AGTPBP1: variants seen among roughly 807,000 people sequenced by gnomAD.
AGTPBP1 encodes cytosolic carboxypeptidase 1.
AGTPBP1 carries 70 observed loss-of-function variants against 143.9 expected under a neutral mutation model. The ratio of observed to expected loss-of-function variants is 0.49; its 90% confidence interval spans 0.40 to 0.59. The LOEUF (loss-of-function observed/expected upper bound fraction) is 0.59. AGTPBP1 is among the 20% of genes least tolerant of loss of function. The pLI is 0.00. For synonymous variants in AGTPBP1, 463 were observed against 500.2 expected (o/e 0.93, Z 0.99); for missense variants, 1,229 against 1,464.5 (o/e 0.84, Z 2.62).
rs1213684682 is a variant in AGTPBP1 at position 85,642,712 on chromosome 9, C to A, written c.1302+115G>T. The A allele has an allele frequency of 4.9e-6, 4 of 824,246 alleles. No individual in the cohort carries two copies. The African/African-American group carries it at 5.2e-5, about 11-fold the overall frequency. 51.1% of individuals were successfully genotyped at this position (824,246 alleles called of 1,614,324 possible). ...TTCAATGCCACTCAGAAAAGCAATG[C>A]TAGTTTCACTTTTTAGAAATGGAAA... On this transcript the variant is annotated intron_variant, in intron 13 of 25. Transcript: ENST00000357081.
At chr9:85,560,477 T>C (rs1211521801) in intron 25 of AGTPBP1, among the ~76,000 whole-genome samples, 1 of 152,028 alleles carries the variant, frequency 6.6e-6, no homozygotes, top group Non-Finnish European at 1.5e-5. Context: ...AGAAGTACAA[T>C]CCAGAAAATG....
intron 9 of AGTPBP1, among the ~76,000 whole-genome samples, chr9:85,658,655 CCT>C (rs1833677657): frequency 6.6e-6 from 1 of 152,056 alleles, no homozygotes. Context: ...CAGTAGTAAG[CCT>C]CCACTGATTT....
At chr9:85,614,272 A>G (rs1830485165) in intron 17 of AGTPBP1, among the ~76,000 whole-genome samples, 1 of 152,050 alleles carries the variant, frequency 6.6e-6, no homozygotes, top group South Asian at 2.1e-4. Context: ...AAGAAAATCC[A>G]AAGTACCAAC....
At chr9:85,625,295 C>A (rs1382275155) in intron 14 of AGTPBP1, among the ~76,000 whole-genome samples, 4 of 152,192 alleles carry the variant, frequency 2.6e-5, no homozygotes, top group Non-Finnish European at 5.9e-5. Flanking sequence ...TACATGAATT[C>A]TTTCAATTAA....
Position 85,692,737 on chromosome 9 carries a change from T to C in AGTPBP1, c.109A>G (p.Thr37Ala). The C allele has an allele frequency of 2.5e-6, 4 of 1,614,048 alleles. No homozygotes were observed. The highest frequency in any genetic ancestry group is 3.4e-6 in the Non-Finnish European group (4 of 1,179,946). ...KINAEPSESD[T>A]ARYVTSKILH... ...ATTTTTGATGTAACATATCGGGCAGTGTCTGATTCTGAAGGCTCAGCATTG... is the reference window on the plus strand; with the variant it reads ...ATTTTTGATGTAACATATCGGGCAGCGTCTGATTCTGAAGGCTCAGCATTG... The change falls in exon 3 of 26, where the codon ACT becomes GCT. Residue 37 changes from threonine (T) to alanine (A), a missense_variant. Physicochemically the swap from Thr to Ala is moderately conservative, Grantham distance 58. Around this residue, in one of 2 missense-constraint regions of AGTPBP1, gnomAD observed 743 missense variants for 812.2 expected, o/e 0.91. Transcript: ENST00000357081.
At chr9:85,564,539 A>G (rs1461317397) in intron 25 of AGTPBP1, among the ~76,000 whole-genome samples, 2 of 152,226 alleles carry the variant, frequency 1.3e-5, no homozygotes, top group Non-Finnish European at 2.9e-5. Context: ...TTATAATACC[A>G]TATTTTTACT....
chr9:85,671,007 T>G (rs1415736358), intron 7 of AGTPBP1, among the ~76,000 whole-genome samples: 2 of 152,176 alleles, frequency 1.3e-5, no homozygotes, highest in Admixed American at 1.3e-4. Context: ...AGTGGTGCAG[T>G]CATGGCTCAC....
chr9:85,780,232 G>A, the AGTPBP1 span, among the ~76,000 whole-genome samples: 2 of 149,154 alleles, frequency 1.3e-5, no homozygotes, highest in East Asian at 3.9e-4. Context: ...TAACCCAATG[G>A]AGACAATGTT....
chr9:85,628,706 G>GT lies in AGTPBP1; in HGVS notation c.2015+3955dup, dbSNP rs1169733674. Among the ~76,000 whole-genome samples, 4 of 151,994 alleles carry GT rather than the reference G, an allele frequency of 2.6e-5. No homozygotes were observed. In the South Asian group the frequency reaches 8.3e-4, roughly 32 times the overall value. On this transcript the variant is annotated intron_variant, in intron 14 of 25. Transcript: ENST00000357081. The stretch of plus-strand genomic sequence containing the variant: ...GGTAACAACAGAGTTGGTTGTTTTT[G>GT]TTTTTTTGTTTGTTTCTTTGTTTTT...
intron 2 of AGTPBP1, among the ~76,000 whole-genome samples, chr9:85,694,684 G>A (rs914599710): frequency 2.6e-5 from 4 of 151,984 alleles, no homozygotes; most frequent in Non-Finnish European, 5.9e-5. Context: ...CTCTGTCCCA[G>A]CCCACTTCTC....
intron 2 of AGTPBP1, among the ~76,000 whole-genome samples, chr9:85,705,110 G>A (rs1836898592): frequency 6.6e-6 from 1 of 151,454 alleles, no homozygotes; most frequent in Non-Finnish European, 1.5e-5. Context: ...AAGGACAAGA[G>A]AGAGAGAAAA....
At chr9:85,560,675 A>T (rs1486057765) in intron 25 of AGTPBP1, among the ~76,000 whole-genome samples, 1 of 152,068 alleles carries the variant, frequency 6.6e-6, no homozygotes, top group African/African-American at 2.4e-5. Context: ...TATTAAAAAG[A>T]TAAATTTAAT....
chr9:85,787,178 T>A, the AGTPBP1 span, among the ~76,000 whole-genome samples: 2 of 152,236 alleles, frequency 1.3e-5, no homozygotes, highest in Non-Finnish European at 2.9e-5. Context: ...TTTGGATTTT[T>A]AAAAATTTAT....
intron 25 of AGTPBP1, among the ~76,000 whole-genome samples, chr9:85,550,191 G>A (rs1374476753): frequency 7.9e-6 from 1 of 126,044 alleles, no homozygotes; most frequent in Non-Finnish European, 1.7e-5. Flanking sequence ...GTGTGTGTGT[G>A]TGTGAGAGAG....
At chr9:85,727,944 C>T (rs1049608786) in intron 1 of AGTPBP1, among the ~76,000 whole-genome samples, 3 of 151,470 alleles carry the variant, frequency 2.0e-5, no homozygotes, top group African/African-American at 7.3e-5. Context: ...AAGAGGAATC[C>T]CTGAGTCCAG....
chr9:85,672,220 C>T (rs1834529188), intron 7 of AGTPBP1, among the ~76,000 whole-genome samples: 1 of 152,102 alleles, frequency 6.6e-6, no homozygotes, highest in South Asian at 2.1e-4. Context: ...AGGCGCCCAC[C>T]ACCATGCCCA....
chr9:85,680,192 C>T (rs1835084251), intron 4 of AGTPBP1, among the ~76,000 whole-genome samples: 1 of 152,152 alleles, frequency 6.6e-6, no homozygotes, highest in Admixed American at 6.5e-5. Context: ...TTCTAATGTT[C>T]TTTGATATTT....
chr9:85,757,563 G>GC, the AGTPBP1 span, among the ~76,000 whole-genome samples: 40 of 152,200 alleles, frequency 2.6e-4, no homozygotes, highest in East Asian at 2.9e-3. Flanking sequence ...ATGCTGCATT[G>GC]CAAGTACCTA....
rs1454012451 is a variant in AGTPBP1 at position 85,723,019 on chromosome 9, T to G, written c.-33-10453A>C. On this transcript the variant is annotated intron_variant, in intron 1 of 25. Coordinates refer to ENST00000357081, the MANE Select transcript of AGTPBP1 (RefSeq NM_001330701.2). ...CCAGCAGAGGCTGCAGAACAGCAAA[T>G]GCTGCTGCTTGATCCTTCCTCTGGA... is the stretch of plus-strand genomic sequence containing the variant. Among the ~76,000 whole-genome samples the G allele has an allele frequency of 3.3e-5, 5 of 152,164 alleles. No homozygotes were observed. In the East Asian group the frequency reaches 7.7e-4, roughly 23 times the overall value.
Sources: gnomAD v4.1 joint callset for allele counts (sites outside exome capture counted in the v4.1 genomes callset) on GRCh38, gnomAD v4.1.1 for gene constraint, gnomAD v4.1.1 regional missense constraint, MANE v1.5 for transcripts, NCBI Gene and HGNC (gene_info 2026-07-23, HGNC 2026-07-21) for gene names.